USP9Y: variants seen among roughly 807,000 people sequenced by gnomAD.
The protein encoded by USP9Y is ubiquitin carboxyl-terminal hydrolase 9Y.
In USP9Y, 41 loss-of-function variants were observed where a neutral mutation model predicts 53.1. That is an observed-to-expected ratio of 0.77 (90% CI 0.60 to 1.00). USP9Y has a LOEUF of 1.00. Among genes scored for constraint, USP9Y ranks in the 50% least tolerant of loss-of-function variants. USP9Y has a pLI of 0.00. For missense variants in USP9Y, 567 were observed against 535.8 expected (o/e 1.06, Z -0.58); for synonymous variants, 220 against 173.7 (o/e 1.27, Z -2.09).
intron 7 of USP9Y, among the ~76,000 whole-genome samples, chrY:12,733,211 G>A: frequency 3.1e-5 from 1 of 31,963 alleles, no homozygotes; most frequent in Non-Finnish European, 7.6e-5. Flanking sequence ...GAGACACTGC[G>A]CTGATATTTT....
chrY:12,711,738 C>A (rs2053425073), intron 3 of USP9Y, among the ~76,000 whole-genome samples: 6 of 32,767 alleles, frequency 1.8e-4, no homozygotes, highest in African/African-American at 7.2e-4. Context: ...TCAAGCAATT[C>A]TCCTGCCTCA....
intron 21 of USP9Y, among the ~76,000 whole-genome samples, chrY:12,779,259 G>A: frequency 3.1e-5 from 1 of 32,737 alleles, no homozygotes; most frequent in African/African-American, 1.2e-4. Flanking sequence ...TGAAACTACA[G>A]TTTACAAAAA....
chrY:12,725,075 A>AT, intron 5 of USP9Y, 38 bp from the exon 6 acceptor site: 1 of 336,032 alleles, frequency 3.0e-6, no homozygotes, highest in Non-Finnish European at 4.4e-6. Flanking sequence ...TGGCCAAATA[A>AT]TTTTTTTTAA....
At chrY:12,812,808 A>G (rs1477711246) in intron 30 of USP9Y, 22 bp from the exon 31 acceptor site, 1 of 331,669 alleles carries the variant, frequency 3.0e-6, no homozygotes, top group South Asian at 3.1e-5. Context: ...ATAACATGTA[A>G]TGTCTTTTTC....
chrY:12,835,222 G>A (rs998984864), intron 34 of USP9Y, among the ~76,000 whole-genome samples: 7 of 32,228 alleles, frequency 2.2e-4, no homozygotes, highest in African/African-American at 8.6e-4. Context: ...GCTAAATTTC[G>A]TATTTCTTGT....
intron 42 of USP9Y, among the ~76,000 whole-genome samples, chrY:12,848,519 G>A (rs2053569123): frequency 1.5e-4 from 5 of 33,378 alleles, no homozygotes; most frequent in South Asian, 1.3e-3. Flanking sequence ...TGTTTTAGTC[G>A]TGAAGACCTT....
chrY:12,736,302 C>A, intron 9 of USP9Y, 53 bp downstream of exon 9: 1 of 353,734 alleles, frequency 2.8e-6, no homozygotes, highest in Non-Finnish European at 4.0e-6. Flanking sequence ...ATAACATTTA[C>A]TCCAAATTTC....
intron 27 of USP9Y, chrY:12,801,907 C>T (rs2053519572): frequency 5.9e-5 from 2 of 33,885 alleles, no homozygotes; most frequent in Non-Finnish European, 1.5e-4. Flanking sequence ...TGGATTAGGG[C>T]GTCTTGTAGC....
At chrY:12,715,897 A>G in intron 3 of USP9Y, among the ~76,000 whole-genome samples, 2 of 33,521 alleles carry the variant, frequency 6.0e-5, no homozygotes, top group East Asian at 1.5e-3. Context: ...TTTATTTTTA[A>G]TATTAATTAT....
intron 15 of USP9Y, among the ~76,000 whole-genome samples, chrY:12,764,460 G>A (rs894638524): frequency 3.0e-5 from 1 of 33,551 alleles, no homozygotes; most frequent in Non-Finnish European, 7.4e-5. Flanking sequence ...GTGGAGAAAC[G>A]TGGCAGAAAC....
At chrY:12,747,656 T>C in intron 12 of USP9Y, among the ~76,000 whole-genome samples, 1 of 34,470 alleles carries the variant, frequency 2.9e-5, no homozygotes, top group East Asian at 7.6e-4. Context: ...TTTTACCAGT[T>C]TGCTTCACTT....
At chrY:12,728,162 T>G (rs2148280904) in intron 7 of USP9Y, among the ~76,000 whole-genome samples, 1 of 33,000 alleles carries the variant, frequency 3.0e-5, no homozygotes, top group South Asian at 6.8e-4. Flanking sequence ...AGATTGTGTG[T>G]CGTATTGATC....
At chrY:12,855,515 G>C in intron 42 of USP9Y, among the ~76,000 whole-genome samples, 1 of 33,264 alleles carries the variant, frequency 3.0e-5, no homozygotes, top group African/African-American at 1.2e-4. Context: ...CCCAGCCTTC[G>C]TTTGCAATTT....
At chrY:12,759,525 G>A (rs758153275) in intron 14 of USP9Y, among the ~76,000 whole-genome samples, 1 of 32,754 alleles carries the variant, frequency 3.1e-5, no homozygotes, top group African/African-American at 1.2e-4. Flanking sequence ...GTGAAACCCC[G>A]TCTCTACTAA....
chrY:12,812,890 G>A lies in USP9Y; in HGVS notation c.4447G>A (p.Gly1483Arg), dbSNP rs1400883513. ...AGTTTACCTGCAGTATTTAAGAAGTGGAGAACTACCAGCTGAGCAGGCTAT... is the reference window on the plus strand; with the variant it reads ...AGTTTACCTGCAGTATTTAAGAAGTAGAGAACTACCAGCTGAGCAGGCTAT... ...SKVYLQYLRS[G>R]ELPAEQAIPV... The change falls in exon 31 of 46, where the codon GGA (glycine) becomes AGA (arginine). Residue 1483 changes from glycine to arginine, a missense_variant. Physicochemically the swap from Gly to Arg is moderately radical, Grantham distance 125. Coordinates refer to ENST00000338981, the MANE Select transcript of USP9Y (RefSeq NM_004654.4). 2.5e-6 allele frequency: 1 copy of A among 398,235 alleles called. No homozygotes were observed.
chrY:12,784,745 T>A (rs2148286442), intron 22 of USP9Y, among the ~76,000 whole-genome samples: 1 of 33,655 alleles, frequency 3.0e-5, no homozygotes, highest in East Asian at 7.7e-4. Flanking sequence ...TGCTGTATCA[T>A]TCTTTCCTCC....
intron 27 of USP9Y, among the ~76,000 whole-genome samples, chrY:12,806,776 A>G (rs2053524942): frequency 1.4e-3 from 46 of 33,455 alleles, no homozygotes; most frequent in African/African-American, 5.2e-3. Context: ...ACCCTTCTAC[A>G]TAACAAATGG....
chrY:12,847,405 C>T, intron 42 of USP9Y, 78 bp downstream of exon 42: 2 of 228,813 alleles, frequency 8.7e-6, no homozygotes, highest in Non-Finnish European at 1.5e-5. Flanking sequence ...TTGCCATACA[C>T]ATTTTTTATC....
intron 33 of USP9Y, among the ~76,000 whole-genome samples, chrY:12,823,185 G>A (rs2053543567): frequency 3.0e-5 from 1 of 33,133 alleles, no homozygotes; most frequent in Non-Finnish European, 7.4e-5. Context: ...CTTTTAAATT[G>A]AAACTTTATA....
Sources: gnomAD v4.1 joint callset for allele counts (sites outside exome capture counted in the v4.1 genomes callset) on GRCh38, gnomAD v4.1.1 for gene constraint, MANE v1.5 for transcripts, NCBI Gene and HGNC (gene_info 2026-07-23, HGNC 2026-07-21) for gene names.